The following NCOR1 variants were observed in gnomAD, a reference collection of about 807,000 sequenced individuals.
The protein encoded by NCOR1 is nuclear receptor corepressor 1, also known as protein phosphatase 1, regulatory subunit 109.
A neutral mutation model predicts 288.1 loss-of-function variants in NCOR1; 63 were observed. The observed-to-expected ratio is 0.22, with a 90% CI of 0.18 to 0.27. The LOEUF is 0.27. Among genes scored for constraint, NCOR1 ranks in the 10% least tolerant of loss-of-function variants. NCOR1 has a pLI of 1.00. For synonymous variants in NCOR1, 1,007 were observed against 1,065.9 expected (o/e 0.94, Z 1.08); for missense variants, 2,397 against 3,019.2 (o/e 0.79, Z 4.83).
chr17:16,167,679 G>A (rs2082269676), intron 4 of NCOR1, among the ~76,000 whole-genome samples: 1 of 151,700 alleles, frequency 6.6e-6, no homozygotes, highest in South Asian at 2.1e-4. Context: ...GGCCAACATG[G>A]TAAAACCCCA....
In NCOR1 at chr17:16,062,236, T is replaced by C. The variant is rs746545715; in HGVS notation, c.5256A>G (p.Gly1752=). The change falls in exon 36 of 46, where the codon GGA becomes GGG. Residue 1752 remains glycine (G), a synonymous_variant. Coordinates refer to ENST00000268712, the MANE Select transcript of NCOR1 (RefSeq NM_006311.4). ...CTGAAGGGGAAGGGGAGCGAACATA[T>C]CCATGACTGCCAGGTCGGCCAGGCT... ...SEQPGRPGSH[G]YVRSPSPSVR... 2 of 1,611,514 alleles carry C rather than the reference T, an allele frequency of 1.2e-6. No individual in the cohort carries two copies. The highest frequency in any genetic ancestry group is 1.7e-5 in the Admixed American group (1 of 59,130).
intron 31 of NCOR1, among the ~76,000 whole-genome samples, chr17:16,069,042 AATATAC>A: frequency 6.6e-6 from 1 of 152,190 alleles, no homozygotes; most frequent in South Asian, 2.1e-4. Context: ...ACTGTGGTGA[AATATAC>A]ATAACATAAA....
chr17:16,181,313 A>C (rs1279116466), intron 3 of NCOR1, among the ~76,000 whole-genome samples: 2 of 151,348 alleles, frequency 1.3e-5, no homozygotes, highest in African/African-American at 4.9e-5. Flanking sequence ...ACATGGATGG[A>C]CCATGCTGAA....
rs199552898 is a variant in NCOR1 at position 16,127,746 on chromosome 17, G to GAT, written c.1510-1542_1510-1541dup. 7.7e-4 allele frequency among the ~76,000 whole-genome samples: 76 copies of GAT among 99,296 alleles called. 3 individuals are homozygous for GAT. The highest frequency in any genetic ancestry group is 1.7e-3 in the African/African-American group (46 of 27,086). The allele number at this position is 99,296 out of a possible 152,430, so 65.1% of individuals were successfully genotyped here. A position where few individuals can be genotyped will look rare whatever the true frequency, so the allele number is the denominator to read the frequency against. On this transcript the variant is annotated intron_variant, in intron 14 of 45. Coordinates refer to ENST00000268712, the MANE Select transcript of NCOR1 (RefSeq NM_006311.4). ...ACATATATGTGTATATATGTGTGGAGATATATATATATATCTCTCATAGTA... is the reference window on the plus strand; with the variant it reads ...ACATATATGTGTATATATGTGTGGAGATATATATATATATATCTCTCATAGTA...
intron 2 of NCOR1, among the ~76,000 whole-genome samples, chr17:16,192,828 A>T (rs2088795739): frequency 6.6e-6 from 1 of 152,230 alleles, no homozygotes; most frequent in Admixed American, 6.5e-5. Context: ...AGGTGATTGG[A>T]TAAACAAATT....
At chr17:16,064,415 C>A (rs1031863196) in intron 34 of NCOR1, among the ~76,000 whole-genome samples, 2 of 152,036 alleles carry the variant, frequency 1.3e-5, no homozygotes, top group Non-Finnish European at 2.9e-5. Flanking sequence ...GCCTGGGCAA[C>A]ATAGTGAGAC....
At chr17:16,094,818 C>G (rs550008976) in intron 21 of NCOR1, among the ~76,000 whole-genome samples, 1 of 152,242 alleles carries the variant, frequency 6.6e-6, no homozygotes, top group Admixed American at 6.5e-5. Flanking sequence ...CCACCAGCCT[C>G]GGCATTCTGA....
At chr17:16,059,049 CAAAAAAAAAAAAAAAAA>C (rs57820388) in intron 37 of NCOR1, among the ~76,000 whole-genome samples, 1 of 17,444 alleles carries the variant, frequency 5.7e-5, no homozygotes, top group Non-Finnish European at 1.4e-4. Context: ...AACTCCGTCT[CAAAAAAAAAAAAAAAAA>C]AAAAAAAAAA....
intron 26 of NCOR1, 40 bp from the exon 27 acceptor site, chr17:16,075,742 G>C (rs762581198): frequency 6.2e-7 from 1 of 1,605,124 alleles, no homozygotes; most frequent in Non-Finnish European, 8.5e-7. Context: ...GGAGTCACTC[G>C]AGTTTAGGGA....
In NCOR1 at chr17:16,165,077, A is replaced by G. The variant is rs2081750794; in HGVS notation, c.520T>C (p.Ser174Pro). Residue 174 changes from serine to proline, a missense_variant, in exon 5 of 46, where the codon TCA becomes CCA. Physicochemically the swap from Ser to Pro is moderately conservative, Grantham distance 74. Around this residue, in one of 11 missense-constraint regions of NCOR1, gnomAD observed 110 missense variants for 123.2 expected, o/e 0.89. Transcript: ENST00000268712. ...PCGDDQNASP[S>P]KLSKEELIQS... is the part of the protein sequence containing the mutation. Reference sequence around the variant, plus strand: ...ATTAACTCTTCCTTTGAGAGTTTTGAAGGTGAAGCATTTTGATCATCTCCA... The same window carrying G: ...ATTAACTCTTCCTTTGAGAGTTTTGGAGGTGAAGCATTTTGATCATCTCCA... The G allele has an allele frequency of 1.2e-6, 2 of 1,611,522 alleles. No individual in the cohort carries two copies. Among genetic ancestry groups the G allele is most frequent in the Non-Finnish European group, 1.7e-6 (2 of 1,179,328 alleles).
chr17:16,041,904 T>C (rs1019366033), intron 42 of NCOR1, among the ~76,000 whole-genome samples: 7 of 152,210 alleles, frequency 4.6e-5, no homozygotes, highest in Admixed American at 3.9e-4. Context: ...GCCTGGCTAA[T>C]TTTTTACATT....
chr17:16,038,530 G>A (rs1442397167), intron 44 of NCOR1, among the ~76,000 whole-genome samples: 2 of 151,586 alleles, frequency 1.3e-5, no homozygotes, highest in Non-Finnish European at 2.9e-5. Context: ...TCTGCCTCCT[G>A]GGCTCAAGTG....
chr17:16,157,208 T>C (rs2079956610), intron 6 of NCOR1, among the ~76,000 whole-genome samples: 1 of 152,132 alleles, frequency 6.6e-6, no homozygotes, highest in South Asian at 2.1e-4. Flanking sequence ...CAACTGTATA[T>C]CCTGGAACAC....
chr17:16,146,574 T>A, intron 9 of NCOR1, 26 bp from the exon 10 acceptor site: 1 of 1,549,610 alleles, frequency 6.5e-7, no homozygotes, highest in Non-Finnish European at 8.7e-7. Context: ...AGCAAATTAA[T>A]AATAATTAAA....
At chr17:16,208,143 C>A (rs527661770) in intron 1 of NCOR1, among the ~76,000 whole-genome samples, 29 of 140,020 alleles carry the variant, frequency 2.1e-4, no homozygotes, top group African/African-American at 7.4e-4. Context: ...CAGGTTCAAG[C>A]GATTCTCCTG....
chr17:16,185,683 C>CAA (rs58712974), intron 3 of NCOR1, among the ~76,000 whole-genome samples: 10,259 of 33,340 alleles, frequency 0.31, 2,886 homozygotes, highest in Non-Finnish European at 0.39. Context: ...GACTCTTTCT[C>CAA]AAAAAAAAAA....
chr17:16,135,830 T>C (rs1226233370), intron 14 of NCOR1, among the ~76,000 whole-genome samples: 1 of 152,144 alleles, frequency 6.6e-6, no homozygotes, highest in Admixed American at 6.5e-5. Context: ...GTCAATAACC[T>C]ATATCTGGTA....
At chr17:16,180,569 G>A (rs2085192909) in intron 3 of NCOR1, among the ~76,000 whole-genome samples, 1 of 151,932 alleles carries the variant, frequency 6.6e-6, no homozygotes, top group Non-Finnish European at 1.5e-5. Context: ...TGGATATAGT[G>A]AGACCCTATC....
At chr17:16,144,728 T>A (rs75780247) in intron 10 of NCOR1, among the ~76,000 whole-genome samples, 1 of 150,888 alleles carries the variant, frequency 6.6e-6, no homozygotes, top group Non-Finnish European at 1.5e-5. Context: ...TCCCTCTCTC[T>A]CCTCTCCCTC....
Sources: allele counts gnomAD v4.1 joint callset (sites outside exome capture counted in the v4.1 genomes callset), GRCh38; gene constraint gnomAD v4.1.1; regional missense constraint gnomAD v4.1.1; transcripts MANE v1.5; gene names NCBI Gene and HGNC (gene_info 2026-07-23, HGNC 2026-07-21).